Variants in PCDHA12 observed in about 807,000 individuals in gnomAD.
The protein encoded by PCDHA12 is protocadherin alpha-12.
A neutral mutation model predicts 60.0 loss-of-function variants in PCDHA12; 44 were observed. The ratio of observed to expected loss-of-function variants is 0.73; its 90% confidence interval spans 0.58 to 0.94. The LOEUF is 0.94. Ranked by LOEUF, PCDHA12 falls within the 40% of genes least tolerant of loss-of-function variation. PCDHA12 has a pLI of 0.00. For synonymous variants in PCDHA12, 569 were observed against 553.0 expected (o/e 1.03, Z -0.40); for missense variants, 1,276 against 1,239.7 (o/e 1.03, Z -0.44).
At chr5:140,893,264 A>G (rs1554185566) in intron 1 of PCDHA12, among the ~76,000 whole-genome samples, 1 of 152,172 alleles carries the variant, frequency 6.6e-6, no homozygotes, top group East Asian at 1.9e-4. Flanking sequence ...ATAAATGCCC[A>G]ATAGTGGAAT....
In PCDHA12 at chr5:140,926,182, C is replaced by G. The variant is rs1041630365; in HGVS notation, c.2367+48343C>G. Among the ~76,000 whole-genome samples, 27 of 151,858 alleles carry G rather than the reference C, an allele frequency of 1.8e-4. No individual in the cohort carries two copies. The East Asian group carries it at 2.5e-3, about 14-fold the overall frequency. On this transcript the variant is annotated intron_variant, in intron 1 of 3. Coordinates refer to ENST00000398631, the MANE Select transcript of PCDHA12 (RefSeq NM_018903.4). ...CAGCAGGATCCAGCGCGGAAAGCCC[C>G]CCGCAGCACTTCTTTCGGGGGGCTC...
chr5:140,948,525 A>G (rs187765359), intron 1 of PCDHA12, among the ~76,000 whole-genome samples: 2 of 151,708 alleles, frequency 1.3e-5, no homozygotes, highest in Admixed American at 1.3e-4. Flanking sequence ...AACACTATTT[A>G]TATTTTATTT....
intron 3 of PCDHA12, among the ~76,000 whole-genome samples, chr5:140,986,426 T>C (rs1405347449): frequency 1.3e-5 from 2 of 152,216 alleles, no homozygotes; most frequent in East Asian, 3.9e-4. Context: ...TTTAACTTCA[T>C]GAGTACTAAT....
chr5:140,883,451 T>A (rs2153394032), intron 1 of PCDHA12: 1 of 1,614,144 alleles, frequency 6.2e-7, no homozygotes, highest in Non-Finnish European at 8.5e-7. Context: ...GCATGTCCCC[T>A]TCAAGCTGGT....
intron 1 of PCDHA12, chr5:140,884,047 G>A: frequency 1.9e-6 from 3 of 1,613,390 alleles, no homozygotes; most frequent in East Asian, 2.2e-5. Flanking sequence ...TGGTGGCGAA[G>A]GTGCGCGCGG....
intron 1 of PCDHA12, among the ~76,000 whole-genome samples, chr5:140,918,569 G>T (rs374823656): frequency 3.9e-5 from 6 of 152,136 alleles, no homozygotes; most frequent in African/African-American, 1.4e-4. Context: ...TGTATATTAT[G>T]CTGCTATTGG....
chr5:140,886,841 A>AG (rs1432829346), intron 1 of PCDHA12, among the ~76,000 whole-genome samples: 1 of 151,546 alleles, frequency 6.6e-6, no homozygotes, highest in Non-Finnish European at 1.5e-5. Flanking sequence ...AAAAAAAAAA[A>AG]AAAAAAGAAA....
At position 141,010,163 on chromosome 5, in the gene PCDHA12, C is replaced by T; in HGVS notation, c.*226C>T. Reference sequence around the variant, plus strand: ...CTTTCTCTCCACTCTGGCTTGTTTTCAGAACCTAAAAAGCAGACCCAAGTT... The same window carrying T: ...CTTTCTCTCCACTCTGGCTTGTTTTTAGAACCTAAAAAGCAGACCCAAGTT... On this transcript the variant is annotated 3_prime_UTR_variant, in exon 4 of 4. Transcript: ENST00000398631. 1 of 1,565,826 alleles carries T rather than the reference C, an allele frequency of 6.4e-7. No homozygotes were observed. The highest frequency in any genetic ancestry group is 8.7e-7 in the Non-Finnish European group (1 of 1,154,220).
At position 140,883,742 on chromosome 5, in the gene PCDHA12, T is replaced by C. The variant is rs782074620; in HGVS notation, c.2367+5903T>C. 8 of 1,613,220 alleles carry C rather than the reference T, an allele frequency of 5.0e-6. No homozygotes were observed. In the African/African-American group the frequency reaches 8.0e-5, roughly 16 times the overall value. ...CGCACAGGAGAACGCGCTGGTCTCC[T>C]ACTCGCTGGTGGAGCGGCGGGTGGG... On this transcript the variant is annotated intron_variant, in intron 1 of 3. Transcript: ENST00000398631.
chr5:140,976,584 A>G (rs2096724055), intron 1 of PCDHA12, among the ~76,000 whole-genome samples: 1 of 152,070 alleles, frequency 6.6e-6, no homozygotes. Context: ...TAAAACACAG[A>G]CTTTTGTGTT....
At chr5:140,955,183 G>A (rs556157825) in intron 1 of PCDHA12, among the ~76,000 whole-genome samples, 1 of 152,122 alleles carries the variant, frequency 6.6e-6, no homozygotes, top group South Asian at 2.1e-4. Flanking sequence ...GTAGTTTTGT[G>A]GTGTATATGA....
At chr5:140,977,813 C>T (rs1347788650) in intron 1 of PCDHA12, among the ~76,000 whole-genome samples, 1 of 152,192 alleles carries the variant, frequency 6.6e-6, no homozygotes, top group Non-Finnish European at 1.5e-5. Flanking sequence ...GAATTATTGA[C>T]AGTTTTGAAT....
In PCDHA12 at chr5:141,010,190, C is replaced by T. The variant is rs868983471; in HGVS notation, c.*253C>T. On this transcript the variant is annotated 3_prime_UTR_variant, in exon 4 of 4. Coordinates refer to ENST00000398631, the MANE Select transcript of PCDHA12 (RefSeq NM_018903.4). ...GAACCTAAAAAGCAGACCCAAGTTT[C>T]CTTTCTCCTCCGCCGCAAAGGAGAG... The T allele has an allele frequency of 6.4e-7, 1 of 1,552,504 alleles. No homozygotes were observed. Among genetic ancestry groups the T allele is most frequent in the Non-Finnish European group, 8.7e-7 (1 of 1,147,234 alleles).
chr5:140,915,684 G>T (rs576904848), intron 1 of PCDHA12, among the ~76,000 whole-genome samples: 5 of 151,572 alleles, frequency 3.3e-5, no homozygotes, highest in South Asian at 4.2e-4. Context: ...TGAACTAGGG[G>T]TATGGTGATG....
chr5:140,989,132 C>T (rs943262599), intron 3 of PCDHA12: 2 of 152,216 alleles, frequency 1.3e-5, no homozygotes, highest in Admixed American at 1.3e-4. Context: ...AAATAAGACA[C>T]TTTATCCCTT....
At chr5:140,941,558 A>G (rs903071259) in intron 1 of PCDHA12, among the ~76,000 whole-genome samples, 1 of 151,596 alleles carries the variant, frequency 6.6e-6, no homozygotes, top group African/African-American at 2.4e-5. Context: ...CTCGTGATCC[A>G]TTCGCCTCAG....
intron 3 of PCDHA12, among the ~76,000 whole-genome samples, chr5:140,987,261 T>C (rs1245588314): frequency 6.6e-6 from 1 of 151,964 alleles, no homozygotes; most frequent in African/African-American, 2.4e-5. Context: ...TTCTCAGGAA[T>C]GGGACCCGGC....
At chr5:140,921,101 C>A (rs1331761775) in intron 1 of PCDHA12, among the ~76,000 whole-genome samples, 1 of 152,002 alleles carries the variant, frequency 6.6e-6, no homozygotes, top group Non-Finnish European at 1.5e-5. Context: ...CTGCCTCAGT[C>A]TCCTAAGTAG....
chr5:140,988,817 C>T (rs1244038207), intron 3 of PCDHA12: 8 of 152,028 alleles, frequency 5.3e-5, no homozygotes, highest in Admixed American at 1.3e-4. Context: ...TAACAGTAGC[C>T]CCAAACAGAG....
Sources: gnomAD v4.1 joint callset for allele counts (sites outside exome capture counted in the v4.1 genomes callset) on GRCh38, gnomAD v4.1.1 for gene constraint, MANE v1.5 for transcripts, NCBI Gene and HGNC (gene_info 2026-07-23, HGNC 2026-07-21) for gene names.